RFWD3: variants seen among roughly 807,000 people sequenced by gnomAD.
RFWD3 encodes the protein ring finger and WD repeat domain 3.
In RFWD3, 65 loss-of-function variants were observed where a neutral mutation model predicts 87.7. The observed-to-expected ratio is 0.74, with a 90% CI of 0.61 to 0.91. The LOEUF is 0.91. Among genes scored for constraint, RFWD3 ranks in the 40% least tolerant of loss-of-function variants. The pLI is 0.00. For missense variants in RFWD3, 1,078 were observed against 938.5 expected (o/e 1.15, Z -1.94); for synonymous variants, 433 against 352.8 (o/e 1.23, Z -2.55).
At chr16:74,640,863 C>T (rs1413902876) in intron 6 of RFWD3, among the ~76,000 whole-genome samples, 5 of 151,996 alleles carry the variant, frequency 3.3e-5, no homozygotes, top group African/African-American at 4.8e-5. Context: ...CACTTAAACC[C>T]GGGAGGTGGA....
At chr16:74,654,768 C>T (rs1014767199) in intron 2 of RFWD3, among the ~76,000 whole-genome samples, 3 of 152,074 alleles carry the variant, frequency 2.0e-5, no homozygotes, top group African/African-American at 7.2e-5. Flanking sequence ...GCTACAACAG[C>T]GAATACATGA....
In RFWD3 at chr16:74,636,552, T is replaced by G; in HGVS notation, c.1220A>C (p.Gln407Pro). Residue 407 changes from glutamine (Q) to proline (P), a missense_variant, in exon 8 of 13, where the codon CAA (glutamine) becomes CCA (proline). By Grantham distance (76) the Gln-to-Pro change is moderately conservative (BLOSUM62 -1). Transcript: ENST00000361070. ...VQDLQKLTSH[Q>P]SQNLQQPRGS... ...CCTGGGTTGCTGTAAATTCTGACTT[T>G]GATGTGACGTAAGTTTTTGCAAGTC... 6.2e-7 allele frequency: 1 copy of G among 1,613,852 alleles called. No homozygotes were observed. Among genetic ancestry groups the G allele is most frequent in the Non-Finnish European group, 8.5e-7 (1 of 1,179,994 alleles).
At chr16:74,655,774 C>G (rs1003362047) in intron 2 of RFWD3, among the ~76,000 whole-genome samples, 1 of 152,130 alleles carries the variant, frequency 6.6e-6, no homozygotes, top group Admixed American at 6.5e-5. Context: ...GATCTGCCCA[C>G]CTCGGCCTCC....
At chr16:74,638,513 G>A (rs1297066054) in intron 6 of RFWD3, among the ~76,000 whole-genome samples, 1 of 152,134 alleles carries the variant, frequency 6.6e-6, no homozygotes, top group Non-Finnish European at 1.5e-5. Flanking sequence ...ATATTTGTAT[G>A]TACCTAAAAA....
At chr16:74,650,197 TA>T (rs1960458456) in intron 3 of RFWD3, among the ~76,000 whole-genome samples, 1 of 152,232 alleles carries the variant, frequency 6.6e-6, no homozygotes, top group Non-Finnish European at 1.5e-5. Flanking sequence ...TTTCCATATA[TA>T]TTTAGGTCTA....
intron 2 of RFWD3, among the ~76,000 whole-genome samples, chr16:74,654,052 G>A (rs998397010): frequency 1.3e-5 from 2 of 151,912 alleles, no homozygotes; most frequent in African/African-American, 2.4e-5. Flanking sequence ...TAACCACAAG[G>A]TTATGTAATC....
intron 11 of RFWD3, 99 bp downstream of exon 11, chr16:74,628,353 C>T (rs996711505): frequency 7.8e-5 from 85 of 1,094,626 alleles, no homozygotes; most frequent in East Asian, 1.9e-4. Context: ...AGCCTGTGAG[C>T]GGTACCACAG....
At chr16:74,625,869 T>TA (rs1427645588) in intron 12 of RFWD3, among the ~76,000 whole-genome samples, 1 of 152,152 alleles carries the variant, frequency 6.6e-6, no homozygotes, top group Non-Finnish European at 1.5e-5. Context: ...AGTGCTACTC[T>TA]AGGCCTTAAT....
At chr16:74,630,120 G>A (rs557363097) in intron 10 of RFWD3, among the ~76,000 whole-genome samples, 3 of 151,700 alleles carry the variant, frequency 2.0e-5, no homozygotes, top group Admixed American at 6.6e-5. Context: ...TCTTGAGATG[G>A]CGTCTCACTC....
At chr16:74,631,564 G>A (rs1315719195) in intron 9 of RFWD3, among the ~76,000 whole-genome samples, 1 of 151,946 alleles carries the variant, frequency 6.6e-6, no homozygotes, top group African/African-American at 2.4e-5. Flanking sequence ...ATAAAGGCAC[G>A]GAGCACACTC....
intron 1 of RFWD3, chr16:74,666,220 A>AGATAGATAGATTGATT (rs1195587029): frequency 3.8e-4 from 54 of 143,050 alleles, no homozygotes; most frequent in African/African-American, 1.4e-3. Flanking sequence ...ATAGATAGAT[A>AGATAGATAGATTGATT]GATTGATTAG....
At position 74,636,285 on chromosome 16, in the gene RFWD3, AAGGAAATAAAT is replaced by A. The variant is rs573879618; in HGVS notation, c.1426+50_1426+60del. The A allele has an allele frequency of 4.3e-4, 630 of 1,476,628 alleles. 2 individuals carry two copies. In the African/African-American group the frequency reaches 7.7e-3, roughly 18 times the overall value. 91.5% of individuals were successfully genotyped at this position (1,476,628 alleles called of 1,614,324 possible). A position where few individuals can be genotyped will look rare whatever the true frequency, so the allele number is the denominator to read the frequency against. ...TTGAGTCTTGAATTTTCCAAAAGGC[AAGGAAATAAAT>A]ATATGGAGTCTAATAAAGAACATGA... On this transcript the variant is annotated intron_variant, in intron 8 of 12. Transcript: ENST00000361070.
Position 74,649,196 on chromosome 16 carries a change from A to G in RFWD3, c.728T>C (p.Leu243Pro), listed in dbSNP as rs1960397168. 6.4e-7 allele frequency: 1 copy of G among 1,560,302 alleles called. No individual in the cohort carries two copies. The highest frequency in any genetic ancestry group is 1.2e-5 in the South Asian group (1 of 82,580). Residue 243 changes from leucine (L) to proline (P), a missense_variant, in exon 4 of 13, where the codon CTA (leucine) becomes CCA (proline). Transcript: ENST00000361070. ...ESGAVILEEQLAGVSAEQEVT... is the reference protein window; with the variant it reads ...ESGAVILEEQPAGVSAEQEVT... ...TTCTTGCTCTGCTGAGACACCTGCT[A>G]GTTGCTCTGCCAAGTCATTTCCAGA... is the stretch of plus-strand genomic sequence containing the variant.
At chr16:74,645,036 T>C (rs1960012761) in intron 4 of RFWD3, among the ~76,000 whole-genome samples, 1 of 152,190 alleles carries the variant, frequency 6.6e-6, no homozygotes, top group African/African-American at 2.4e-5. Flanking sequence ...ATTTAACTCA[T>C]GTGTACCAGA....
At chr16:74,642,432 G>C (rs1479922807) in intron 6 of RFWD3, among the ~76,000 whole-genome samples, 1 of 151,882 alleles carries the variant, frequency 6.6e-6, no homozygotes, top group Non-Finnish European at 1.5e-5. Flanking sequence ...CCCTTCTACT[G>C]AATCTATAAT....
intron 1 of RFWD3, chr16:74,664,524 G>GT (rs1961724210): frequency 6.6e-6 from 1 of 152,100 alleles, no homozygotes; most frequent in Admixed American, 6.6e-5. Flanking sequence ...ACTGAGGCAG[G>GT]TAGCTGGAGA....
intron 2 of RFWD3, among the ~76,000 whole-genome samples, chr16:74,652,953 T>C (rs918089546): frequency 2.6e-5 from 4 of 152,140 alleles, no homozygotes; most frequent in African/African-American, 9.7e-5. Context: ...AATGCTGGAA[T>C]TGCAGGCATG....
chr16:74,641,531 C>T (rs1340290636), intron 6 of RFWD3, among the ~76,000 whole-genome samples: 2 of 151,898 alleles, frequency 1.3e-5, no homozygotes, highest in African/African-American at 4.8e-5. Flanking sequence ...AACTAGAGTC[C>T]CATGTATCAA....
At position 74,661,302 on chromosome 16, in the gene RFWD3, G is replaced by A; in HGVS notation, c.148C>T (p.Pro50Ser). The change falls in exon 2 of 13, where the codon CCA becomes TCA. Residue 50 changes from proline (P) to serine (S), a missense_variant. Physicochemically the swap from Pro to Ser is moderately conservative, Grantham distance 74 (BLOSUM62 -1). Coordinates refer to ENST00000361070, the MANE Select transcript of RFWD3 (RefSeq NM_018124.4). ...GCAGGAGCTGGCTGGAGGATGGATG[G>A]TACCCCCTGGCTGCTGACCACATCA... ...PADVVSSQGV[P>S]SILQPAPAEV... 1 of 1,614,092 alleles carries A rather than the reference G, an allele frequency of 6.2e-7. No individual in the cohort carries two copies. Among genetic ancestry groups the A allele is most frequent in the African/African-American group, 1.3e-5 (1 of 75,030 alleles).
Sources: gnomAD v4.1 joint callset for allele counts (sites outside exome capture counted in the v4.1 genomes callset) on GRCh38, gnomAD v4.1.1 for gene constraint, MANE v1.5 for transcripts, NCBI Gene and HGNC (gene_info 2026-07-23, HGNC 2026-07-21) for gene names.